Variants in RAB38 observed in about 807,000 individuals in gnomAD.
RAB38 encodes the protein ras-related protein Rab-38.
A neutral mutation model predicts 18.4 loss-of-function variants in RAB38; 15 were observed. The observed-to-expected ratio is 0.82, with a 90% CI of 0.55 to 1.26. The LOEUF is 1.26. Among genes scored for constraint, RAB38 ranks in the 50% most tolerant of loss-of-function variants. The pLI is 0.00. For synonymous variants in RAB38, 101 were observed against 104.4 expected (o/e 0.97, Z 0.20); for missense variants, 294 against 267.4 (o/e 1.10, Z -0.69).
chr11:88,129,945 A>G (rs1425248854), intron 2 of RAB38, among the ~76,000 whole-genome samples: 1 of 136,604 alleles, frequency 7.3e-6, no homozygotes, highest in African/African-American at 2.5e-5. Flanking sequence ...ACAAAAAAAA[A>G]CAGCCATAAA....
At chr11:87,848,533 C>T in the RAB38 span, among the ~76,000 whole-genome samples, 1 of 151,402 alleles carries the variant, frequency 6.6e-6, no homozygotes, top group African/African-American at 2.5e-5. Flanking sequence ...CTATTTCGCT[C>T]TCATTGGAAG....
the RAB38 span, among the ~76,000 whole-genome samples, chr11:87,904,874 CAGA>C: frequency 2.6e-4 from 40 of 151,812 alleles, no homozygotes; most frequent in African/African-American, 9.6e-4. Context: ...TTTTACTACT[CAGA>C]GCTTATTAAA....
chr11:87,860,867 A>C, the RAB38 span, among the ~76,000 whole-genome samples: 3 of 151,910 alleles, frequency 2.0e-5, no homozygotes, highest in African/African-American at 7.2e-5. Flanking sequence ...GTATGTTATA[A>C]TTTAAAGTAA....
At chr11:88,037,707 C>A in the RAB38 span, among the ~76,000 whole-genome samples, 1 of 152,080 alleles carries the variant, frequency 6.6e-6, no homozygotes, top group African/African-American at 2.4e-5. Context: ...TTGTGTCTGC[C>A]TTCTTTCACT....
At chr11:87,956,339 A>G in the RAB38 span, among the ~76,000 whole-genome samples, 3 of 151,216 alleles carry the variant, frequency 2.0e-5, no homozygotes, top group African/African-American at 7.2e-5. Context: ...ACTAGAATCA[A>G]AAAGTTGTGA....
chr11:87,862,240 C>G, the RAB38 span, among the ~76,000 whole-genome samples: 1 of 152,004 alleles, frequency 6.6e-6, no homozygotes, highest in African/African-American at 2.4e-5. Flanking sequence ...TTCACAATAG[C>G]AAAGACATAG....
At chr11:87,833,175 T>C in the RAB38 span, among the ~76,000 whole-genome samples, 2 of 152,238 alleles carry the variant, frequency 1.3e-5, no homozygotes, top group African/African-American at 4.8e-5. Context: ...TCCATTGTTC[T>C]GACAGCCAAG....
Position 88,174,386 on chromosome 11 carries a change from AAAAC to A in RAB38, c.202+793_202+796del, listed in dbSNP as rs367781116. On this transcript the variant is annotated intron_variant, in intron 1 of 2. Transcript: ENST00000243662. Reference sequence around the variant, plus strand: ...CTGATTTTAAATATTGTAAAAAACAAAAACAAACAACCTCTCATTTTTCAGATCT... The same window carrying A: ...CTGATTTTAAATATTGTAAAAAACAAAAACAACCTCTCATTTTTCAGATCT... Among the ~76,000 whole-genome samples the A allele has an allele frequency of 6.2e-3, 938 of 152,302 alleles. 7 individuals are homozygous for A. Among genetic ancestry groups the A allele is most frequent in the African/African-American group, 0.021 (891 of 41,552 alleles).
At chr11:88,139,342 T>C (rs1448974393) in intron 2 of RAB38, among the ~76,000 whole-genome samples, 1 of 152,182 alleles carries the variant, frequency 6.6e-6, no homozygotes, top group African/African-American at 2.4e-5. Context: ...TCTCTTATTC[T>C]TGGCAACCCA....
At chr11:88,020,525 T>C in the RAB38 span, among the ~76,000 whole-genome samples, 1 of 152,168 alleles carries the variant, frequency 6.6e-6, no homozygotes, top group Non-Finnish European at 1.5e-5. Flanking sequence ...CACCCCACTT[T>C]CATCACCAGA....
At chr11:88,124,636 T>C (rs11018529) in intron 2 of RAB38, among the ~76,000 whole-genome samples, 83,664 of 152,024 alleles carry the variant, frequency 0.55, 23,896 homozygotes, top group Non-Finnish European at 0.64. Flanking sequence ...AACTCCTAAA[T>C]TCCACAGTCA....
the RAB38 span, among the ~76,000 whole-genome samples, chr11:87,822,671 C>T: frequency 6.6e-6 from 1 of 152,168 alleles, no homozygotes; most frequent in Non-Finnish European, 1.5e-5. Context: ...AAGCACAAGC[C>T]ACAGTCTTTT....
chr11:87,870,293 C>T, the RAB38 span, among the ~76,000 whole-genome samples: 1 of 151,370 alleles, frequency 6.6e-6, no homozygotes, highest in South Asian at 2.1e-4. Flanking sequence ...CTGTATATGC[C>T]CACAATGTCA....
the RAB38 span, among the ~76,000 whole-genome samples, chr11:87,929,819 A>T: frequency 7.0e-6 from 1 of 143,372 alleles, no homozygotes; most frequent in Non-Finnish European, 1.5e-5. Flanking sequence ...GCGGTGTTTG[A>T]TTTTTTGTCC....
the RAB38 span, among the ~76,000 whole-genome samples, chr11:87,902,128 T>G: frequency 6.6e-6 from 1 of 151,278 alleles, no homozygotes; most frequent in Admixed American, 6.6e-5. Context: ...GAGAAAGAAA[T>G]GAAGGGTTGA....
At chr11:87,809,587 T>C in the RAB38 span, among the ~76,000 whole-genome samples, 3 of 152,166 alleles carry the variant, frequency 2.0e-5, no homozygotes, top group Non-Finnish European at 2.9e-5. Flanking sequence ...GAAAATCTTA[T>C]TCAACCTGGG....
the RAB38 span, among the ~76,000 whole-genome samples, chr11:88,077,849 C>T: frequency 6.6e-6 from 1 of 151,972 alleles, no homozygotes; most frequent in African/African-American, 2.4e-5. Context: ...AAACTATCAA[C>T]AAAGAGAGGT....
At chr11:87,845,161 A>G in the RAB38 span, among the ~76,000 whole-genome samples, 1 of 152,220 alleles carries the variant, frequency 6.6e-6, no homozygotes, top group Non-Finnish European at 1.5e-5. Flanking sequence ...AAAGTTTAAG[A>G]TACAACCCAA....
At chr11:88,048,935 T>G in the RAB38 span, among the ~76,000 whole-genome samples, 3,108 of 152,250 alleles carry the variant, frequency 0.02, 99 homozygotes, top group African/African-American at 0.069. Flanking sequence ...TTTTTCTCCT[T>G]GTCTTATTCC....
Sources: gnomAD v4.1 joint callset for allele counts (sites outside exome capture counted in the v4.1 genomes callset) on GRCh38, gnomAD v4.1.1 for gene constraint, MANE v1.5 for transcripts, NCBI Gene and HGNC (gene_info 2026-07-23, HGNC 2026-07-21) for gene names.